Variants in SS18 observed in about 807,000 individuals in gnomAD.
SS18 encodes SS18 subunit of BAF chromatin remodeling complex.
A neutral mutation model predicts 72.5 loss-of-function variants in SS18; 28 were observed. The ratio of observed to expected loss-of-function variants is 0.39; its 90% confidence interval spans 0.29 to 0.53. The LOEUF (loss-of-function observed/expected upper bound fraction) is 0.53. Ranked by LOEUF, SS18 falls within the 20% of genes least tolerant of loss-of-function variation. The probability of loss-of-function intolerance (pLI) is 0.76; values close to 1 mark genes in which losing one functional copy is unlikely to be tolerated. For synonymous variants in SS18, 172 were observed against 164.2 expected, an observed-to-expected ratio of 1.05 and a Z score of -0.37; for missense variants, 518 against 535.3, an observed-to-expected ratio of 0.97 and a Z score of 0.32.
rs1358090030 is a variant in SS18, at chr18:26,016,318, CAGT to C, written c.*2033_*2035del. 5.5e-6 allele frequency: 1 copy of C among 182,250 alleles called. No individual in the cohort carries two copies. The highest frequency in any genetic ancestry group is 2.4e-5 in the African/African-American group (1 of 42,424). The allele number at this position is 182,250 out of a possible 1,614,324, so 11.3% of individuals were successfully genotyped here. On this transcript the variant is annotated 3_prime_UTR_variant, in exon 11 of 11. Transcript: ENST00000415083. ...CAGTTTTAAATAGCAACAAAGTACA[CAGT>C]GGTGGAAAATTGGCACAGAACCTAC...
chr18:26,021,845 T>C (rs1052223482), intron 10 of SS18, among the ~76,000 whole-genome samples: 14 of 152,188 alleles, frequency 9.2e-5, no homozygotes, highest in Non-Finnish European at 1.5e-5. Flanking sequence ...TATAAATTTA[T>C]TTTGTTTCTG....
At chr18:26,042,635 TC>T (rs1167508013) in intron 5 of SS18, among the ~76,000 whole-genome samples, 4 of 131,200 alleles carry the variant, frequency 3.0e-5, no homozygotes, top group Non-Finnish European at 6.1e-5. Flanking sequence ...AAGTCAGTGG[TC>T]AAAAAAAAAA....
intron 5 of SS18, among the ~76,000 whole-genome samples, chr18:26,050,833 C>T (rs764548148): frequency 6.6e-6 from 1 of 151,998 alleles, no homozygotes; most frequent in Non-Finnish European, 1.5e-5. Context: ...GGTGTGAACC[C>T]GGGAGGCGGA....
intron 4 of SS18, among the ~76,000 whole-genome samples, chr18:26,056,408 T>A (rs2054022301): frequency 6.6e-6 from 1 of 152,222 alleles, no homozygotes; most frequent in Non-Finnish European, 1.5e-5. Flanking sequence ...GACTACAATA[T>A]GACTACAAAC....
At chr18:26,090,802 C>G, upstream of SS18, 1 of 581,846 alleles carries the variant, frequency 1.7e-6, no homozygotes, top group Non-Finnish European at 3.0e-6. Context: ...TCTTGACCGT[C>G]CCTGCATCCC....
At chr18:26,034,163 C>G (rs2053589482) in intron 9 of SS18, among the ~76,000 whole-genome samples, 1 of 152,068 alleles carries the variant, frequency 6.6e-6, no homozygotes, top group Non-Finnish European at 1.5e-5. Context: ...GACCTGAGTT[C>G]TAAGATTTGC....
At chr18:26,056,092 T>C (rs1441568724) in intron 4 of SS18, among the ~76,000 whole-genome samples, 4 of 152,276 alleles carry the variant, frequency 2.6e-5, no homozygotes, top group East Asian at 3.9e-4. Context: ...GGAAGCTCTA[T>C]AGTATTCTGA....
At chr18:26,023,922 G>A (rs1031715194) in intron 10 of SS18, among the ~76,000 whole-genome samples, 39 of 151,832 alleles carry the variant, frequency 2.6e-4, no homozygotes, top group African/African-American at 8.2e-4. Context: ...GGTTTATAAC[G>A]TATACAGAAG....
intron 1 of SS18, among the ~76,000 whole-genome samples, chr18:26,087,819 G>C (rs1013729929): frequency 2.6e-5 from 4 of 152,158 alleles, no homozygotes; most frequent in African/African-American, 9.7e-5. Flanking sequence ...GCTACCCGCT[G>C]TTACAAATTA....
intron 10 of SS18, among the ~76,000 whole-genome samples, chr18:26,029,444 T>C (rs1237716549): frequency 6.6e-6 from 1 of 152,158 alleles, no homozygotes; most frequent in Non-Finnish European, 1.5e-5. Flanking sequence ...ACAGTCCAGA[T>C]GAGTGCTAGT....
chr18:26,052,459 G>T (rs529414636), intron 5 of SS18, among the ~76,000 whole-genome samples, 165 bp downstream of exon 5: 12 of 152,320 alleles, frequency 7.9e-5, no homozygotes, highest in African/African-American at 2.4e-4. Context: ...ATTGAGCAAA[G>T]AGATTTAAAC....
intron 4 of SS18, among the ~76,000 whole-genome samples, chr18:26,055,299 T>G (rs993615532): frequency 6.6e-6 from 1 of 151,902 alleles, no homozygotes; most frequent in Non-Finnish European, 1.5e-5. Context: ...AAACCCCATC[T>G]CTATTAAAAA....
chr18:26,074,758 C>G (rs2054379899), intron 3 of SS18, among the ~76,000 whole-genome samples: 1 of 151,532 alleles, frequency 6.6e-6, no homozygotes, highest in Non-Finnish European at 1.5e-5. Flanking sequence ...GTTCTGAGAC[C>G]AAAAGGTTTG....
chr18:26,076,194 A>G (rs577335502), intron 3 of SS18, among the ~76,000 whole-genome samples: 1 of 151,860 alleles, frequency 6.6e-6, no homozygotes, highest in Non-Finnish European at 1.5e-5. Context: ...AGGATTACGT[A>G]TATGTGTATA....
chr18:26,037,704 C>T (rs1357831615), intron 7 of SS18, among the ~76,000 whole-genome samples: 3 of 152,068 alleles, frequency 2.0e-5, no homozygotes, highest in African/African-American at 7.2e-5. Context: ...TTTATATTTA[C>T]ATCAAAGGAT....
Position 26,090,609 on chromosome 18 carries a change from C to T in SS18, c.-40G>A, listed in dbSNP as rs776043791. Reference sequence around the variant, plus strand: ...CACTATCGGCAAGTCCCGAGCGCTCCGGGTGAACGGCAAACTGGGGGAGAG... The same window carrying T: ...CACTATCGGCAAGTCCCGAGCGCTCTGGGTGAACGGCAAACTGGGGGAGAG... On this transcript the variant is annotated 5_prime_UTR_variant, in exon 1 of 11. Coordinates refer to ENST00000415083, the MANE Select transcript of SS18 (RefSeq NM_001007559.3). 5.2e-6 allele frequency: 8 copies of T among 1,547,998 alleles called. No individual in the cohort carries two copies. In the Admixed American group the frequency reaches 9.7e-5, roughly 19 times the overall value.
chr18:26,037,780 ATTATT>A (rs2053650140), intron 7 of SS18, among the ~76,000 whole-genome samples: 1 of 152,116 alleles, frequency 6.6e-6, no homozygotes, highest in South Asian at 2.1e-4. Context: ...GTATTTCTGA[ATTATT>A]TTTTCTTCTA....
intron 5 of SS18, among the ~76,000 whole-genome samples, chr18:26,043,014 C>T (rs1305740572): frequency 6.6e-6 from 1 of 152,068 alleles, no homozygotes; most frequent in Non-Finnish European, 1.5e-5. Context: ...TGACAGCTAA[C>T]ATTTAATGAA....
chr18:26,068,665 TA>T (rs1328925044), intron 3 of SS18: 1 of 152,134 alleles, frequency 6.6e-6, no homozygotes, highest in Non-Finnish European at 1.5e-5. Flanking sequence ...TCATCTTTAC[TA>T]AAGCGTGTGG....
Sources: allele counts gnomAD v4.1 joint callset (sites outside exome capture counted in the v4.1 genomes callset), GRCh38; gene constraint gnomAD v4.1.1; transcripts MANE v1.5; gene names NCBI Gene and HGNC (gene_info 2026-07-23, HGNC 2026-07-21).